The following PARN variants were observed in gnomAD, a reference collection of about 807,000 sequenced individuals.
The protein encoded by PARN is poly(A)-specific ribonuclease PARN.
A neutral mutation model predicts 102.8 loss-of-function variants in PARN; 71 were observed. The observed-to-expected ratio is 0.69, with a 90% CI of 0.57 to 0.84. The LOEUF (loss-of-function observed/expected upper bound fraction) is 0.84, where lower values mean the gene tolerates loss of function less well. Ranked by LOEUF, PARN falls within the 40% of genes least tolerant of loss-of-function variation. The pLI is 0.00. For synonymous variants in PARN, 261 were observed against 252.9 expected (o/e 1.03, Z -0.30); for missense variants, 782 against 760.9 (o/e 1.03, Z -0.33).
intron 14 of PARN, among the ~76,000 whole-genome samples, chr16:14,585,113 A>G (rs970137182): frequency 1.3e-5 from 2 of 152,162 alleles, no homozygotes; most frequent in Admixed American, 1.3e-4. Context: ...GGCTCCATCA[A>G]TCTCAAGGGT....
At chr16:14,604,491 C>G (rs1233678976) in intron 10 of PARN, among the ~76,000 whole-genome samples, 3 of 152,100 alleles carry the variant, frequency 2.0e-5, no homozygotes, top group Non-Finnish European at 4.4e-5. Context: ...AAACTCCCCA[C>G]CTCAGGTGAT....
chr16:14,512,902 T>C (rs1965272361), intron 21 of PARN, among the ~76,000 whole-genome samples: 2 of 152,336 alleles, frequency 1.3e-5, no homozygotes. Flanking sequence ...TAAATGTTTC[T>C]CTACCAGAAG....
intron 21 of PARN, among the ~76,000 whole-genome samples, chr16:14,495,610 C>T (rs769539611): frequency 6.6e-6 from 1 of 152,098 alleles, no homozygotes; most frequent in Non-Finnish European, 1.5e-5. Context: ...GGAGAGTGAG[C>T]GAGGAACCAC....
At chr16:14,590,913 C>T (rs1970158242) in intron 13 of PARN, among the ~76,000 whole-genome samples, 1 of 152,116 alleles carries the variant, frequency 6.6e-6, no homozygotes, top group Non-Finnish European at 1.5e-5. Context: ...ATAAGTGAGA[C>T]TGAACTCTCA....
intron 21 of PARN, among the ~76,000 whole-genome samples, chr16:14,508,740 G>GAAA (rs112398860): frequency 1.4e-5 from 2 of 143,542 alleles, no homozygotes; most frequent in Non-Finnish European, 3.0e-5. Flanking sequence ...GTGGAAACTT[G>GAAA]AAAAAAAAAA....
chr16:14,572,206 T>G (rs1596708398), intron 18 of PARN, among the ~76,000 whole-genome samples: 1 of 152,156 alleles, frequency 6.6e-6, no homozygotes, highest in Non-Finnish European at 1.5e-5. Flanking sequence ...GAGACAAGCT[T>G]GACACACGGG....
intron 18 of PARN, among the ~76,000 whole-genome samples, chr16:14,571,507 A>AGGTCTC (rs1968810250): frequency 6.6e-6 from 1 of 152,098 alleles, no homozygotes; most frequent in African/African-American, 2.4e-5. Flanking sequence ...TTTTTGCGGG[A>AGGTCTC]GGTCTCCTCT....
chr16:14,463,849 G>C lies in PARN; in HGVS notation c.1671-16768C>G, dbSNP rs1343211868. Among the ~76,000 whole-genome samples the C allele has an allele frequency of 7.3e-5, 10 of 137,182 alleles. 2 individuals carry two copies. Among genetic ancestry groups the C allele is most frequent in the Non-Finnish European group, 1.1e-4 (7 of 62,814 alleles). The allele number at this position is 137,182 out of a possible 152,430, so 90.0% of individuals were successfully genotyped here. On this transcript the variant is annotated intron_variant, in intron 22 of 23. Transcript: ENST00000437198. ...CAAACTTTTTTTTTTGGGGGGGGGG[G>C]GACGACAAGGTCTCACTCTGTCACC...
intron 21 of PARN, among the ~76,000 whole-genome samples, chr16:14,513,618 C>G (rs1430941503): frequency 6.6e-6 from 1 of 152,180 alleles, no homozygotes. Context: ...CCTCCCCTGC[C>G]CGCACAATAC....
intron 22 of PARN, among the ~76,000 whole-genome samples, chr16:14,461,740 T>C (rs1285728500): frequency 6.6e-6 from 1 of 152,240 alleles, no homozygotes; most frequent in Non-Finnish European, 1.5e-5. Context: ...ACTTCCAACA[T>C]TATCACTTAT....
chr16:14,507,879 G>T (rs1964978003), intron 21 of PARN, among the ~76,000 whole-genome samples: 1 of 152,154 alleles, frequency 6.6e-6, no homozygotes, highest in South Asian at 2.1e-4. Context: ...CTTATCTAAT[G>T]CAGTCAGTTA....
intron 23 of PARN, among the ~76,000 whole-genome samples, chr16:14,440,121 G>A (rs1186660730): frequency 6.6e-6 from 1 of 152,068 alleles, no homozygotes; most frequent in African/African-American, 2.4e-5. Flanking sequence ...AAAAGGACTT[G>A]TATCCAGAAT....
At chr16:14,558,927 A>G (rs1016326127) in intron 18 of PARN, among the ~76,000 whole-genome samples, 1 of 152,200 alleles carries the variant, frequency 6.6e-6, no homozygotes, top group Non-Finnish European at 1.5e-5. Context: ...CAGGGAAAAT[A>G]ACTAGAGACT....
At chr16:14,604,615 T>C (rs17201621) in intron 10 of PARN, among the ~76,000 whole-genome samples, 10,357 of 152,024 alleles carry the variant, frequency 0.068, 385 homozygotes, top group Non-Finnish European at 0.08. Flanking sequence ...AGATTTCTGC[T>C]GCCATTAGAA....
intron 1 of PARN, 150 bp from the exon 2 acceptor site, chr16:14,629,824 G>T: frequency 2.9e-6 from 2 of 694,298 alleles, no homozygotes; most frequent in Non-Finnish European, 5.0e-6. Context: ...TCAAGTCCTC[G>T]AGGGGTGCAT....
intron 21 of PARN, among the ~76,000 whole-genome samples, chr16:14,492,707 A>G (rs1421035166): frequency 6.6e-6 from 1 of 152,198 alleles, no homozygotes; most frequent in East Asian, 1.9e-4. Context: ...GGAAGCAGCA[A>G]AGAAAACAGT....
At chr16:14,542,435 T>C (rs1212869433) in intron 21 of PARN, among the ~76,000 whole-genome samples, 4 of 151,586 alleles carry the variant, frequency 2.6e-5, no homozygotes, top group East Asian at 3.9e-4. Context: ...CCTTCCACCA[T>C]AGCCTCCCTA....
intron 18 of PARN, among the ~76,000 whole-genome samples, chr16:14,561,779 G>C (rs1968083898): frequency 6.6e-6 from 1 of 152,172 alleles, no homozygotes; most frequent in Admixed American, 6.5e-5. Flanking sequence ...CTGCACTCCA[G>C]TCTGGGCAAC....
chr16:14,451,843 T>TAAAAAAAAAAAAAAAA (rs1184998225), intron 22 of PARN, among the ~76,000 whole-genome samples: 1 of 54,618 alleles, frequency 1.8e-5, no homozygotes, highest in Non-Finnish European at 3.6e-5. Context: ...ACCCCGTCTC[T>TAAAAAAAAAAAAAAAA]AAAAAAAAAA....
Sources: gnomAD v4.1 joint callset for allele counts (sites outside exome capture counted in the v4.1 genomes callset) on GRCh38, gnomAD v4.1.1 for gene constraint, MANE v1.5 for transcripts, NCBI Gene and HGNC (gene_info 2026-07-23, HGNC 2026-07-21) for gene names.